The following AXDND1 variants were observed in gnomAD, a reference collection of about 807,000 sequenced individuals.
AXDND1 encodes axonemal dynein light chain domain containing 1, also known as axonemal dynein light chain domain-containing protein 1.
A neutral mutation model predicts 137.5 loss-of-function variants in AXDND1; 110 were observed. The ratio of observed to expected loss-of-function variants is 0.80; its 90% confidence interval spans 0.69 to 0.94. AXDND1 has a LOEUF of 0.94. Ranked by LOEUF, AXDND1 falls within the 40% of genes least tolerant of loss-of-function variation. AXDND1 has a pLI of 0.00. For synonymous variants in AXDND1, 414 were observed against 399.7 expected, an observed-to-expected ratio of 1.04 and a Z score of -0.43; for missense variants, 1,191 against 1,169.8, an observed-to-expected ratio of 1.02 and a Z score of -0.26.
intron 21 of AXDND1, among the ~76,000 whole-genome samples, chr1:179,517,697 TCTC>T (rs981402979): frequency 1.3e-5 from 2 of 152,202 alleles, no homozygotes; most frequent in African/African-American, 4.8e-5. Context: ...GTTGGAAACT[TCTC>T]CTGCAAACCA....
At chr1:179,367,912 C>G (rs979967488) in intron 2 of AXDND1, among the ~76,000 whole-genome samples, 2 of 151,896 alleles carry the variant, frequency 1.3e-5, no homozygotes, top group Non-Finnish European at 2.9e-5. Flanking sequence ...TTACCCGGTT[C>G]TGTTAAAGCT....
At chr1:179,539,338 T>A (rs1671888333) in intron 25 of AXDND1, among the ~76,000 whole-genome samples, 1 of 152,236 alleles carries the variant, frequency 6.6e-6, no homozygotes, top group Admixed American at 6.5e-5. Context: ...CGATTGTTTC[T>A]TTCCATGTTT....
intron 20 of AXDND1, among the ~76,000 whole-genome samples, chr1:179,506,017 A>G (rs1010554842): frequency 1.3e-5 from 2 of 152,210 alleles, no homozygotes; most frequent in Non-Finnish European, 2.9e-5. Flanking sequence ...TCCTTGTTAT[A>G]AGGCTTCATG....
chr1:179,532,590 A>C (rs552397659), intron 23 of AXDND1, among the ~76,000 whole-genome samples: 29 of 152,304 alleles, frequency 1.9e-4, no homozygotes, highest in African/African-American at 5.5e-4. Flanking sequence ...CTAGCATAAA[A>C]GGGAAGAAGT....
Position 179,407,089 on chromosome 1 carries a change from A to AT in AXDND1, c.1110-4056dup, listed in dbSNP as rs563152589. Among the ~76,000 whole-genome samples the AT allele has an allele frequency of 2.4e-3, 371 of 152,244 alleles. 1 individual carries two copies. Among genetic ancestry groups the AT allele is most frequent in the Middle Eastern group, 0.021 (6 of 292 alleles). On this transcript the variant is annotated intron_variant, in intron 11 of 25. Coordinates refer to ENST00000367618, the MANE Select transcript of AXDND1 (RefSeq NM_144696.6). ...AGATATTGTCATTTTGTTTCTAAATATAGGACTACCTTCAGGCTGGTCTAG... is the reference window on the plus strand; with the variant it reads ...AGATATTGTCATTTTGTTTCTAAATATTAGGACTACCTTCAGGCTGGTCTAG...
chr1:179,452,186 T>C (rs1181160473), intron 16 of AXDND1: 1 of 152,818 alleles, frequency 6.5e-6, no homozygotes, highest in Non-Finnish European at 1.5e-5. Flanking sequence ...TCTTGTTATA[T>C]TTTAGCAAAG....
intron 21 of AXDND1, among the ~76,000 whole-genome samples, chr1:179,518,385 C>CTTTTTTT (rs71114530): frequency 8.3e-5 from 12 of 145,072 alleles, no homozygotes; most frequent in South Asian, 2.1e-4. Flanking sequence ...TTTCCTTTTT[C>CTTTTTTT]TTTTTTTTTT....
At chr1:179,393,765 G>T in intron 9 of AXDND1, 138 bp from the exon 10 acceptor site, 1 of 548,000 alleles carries the variant, frequency 1.8e-6, no homozygotes, top group Admixed American at 3.8e-5. Flanking sequence ...AAAAGGGATT[G>T]ATTTCTTGAT....
chr1:179,389,849 T>G (rs1649863590), intron 9 of AXDND1, among the ~76,000 whole-genome samples: 1 of 152,152 alleles, frequency 6.6e-6, no homozygotes, highest in South Asian at 2.1e-4. Flanking sequence ...TAAATTGATA[T>G]TTCCAATATA....
intron 25 of AXDND1, chr1:179,551,313 C>T (rs1673234428): frequency 6.2e-7 from 1 of 1,613,990 alleles, no homozygotes; most frequent in Non-Finnish European, 8.5e-7. Context: ...GGTAAAACCA[C>T]AGTGGAAGGC....
At chr1:179,434,803 A>T (rs80342324) in intron 15 of AXDND1, among the ~76,000 whole-genome samples, 10 of 152,066 alleles carry the variant, frequency 6.6e-5, no homozygotes, top group Admixed American at 1.3e-4. Context: ...GTACCCTCTC[A>T]CCTCTCCTAT....
intron 15 of AXDND1, among the ~76,000 whole-genome samples, chr1:179,438,707 T>A (rs1028909891): frequency 1.3e-5 from 2 of 152,176 alleles, no homozygotes; most frequent in African/African-American, 4.8e-5. Context: ...AGGGATATTA[T>A]GTGTTTGCAA....
At chr1:179,459,288 G>A (rs1661870356) in intron 16 of AXDND1, among the ~76,000 whole-genome samples, 3 of 152,068 alleles carry the variant, frequency 2.0e-5, no homozygotes, top group African/African-American at 7.2e-5. Flanking sequence ...CACTATGCCT[G>A]GCTAGAATAC....
intron 16 of AXDND1, chr1:179,456,675 A>G: frequency 1.2e-6 from 1 of 810,712 alleles, no homozygotes; most frequent in Non-Finnish European, 2.2e-6. Flanking sequence ...ATGACCACTG[A>G]AGTTTCCTCC....
intron 18 of AXDND1, among the ~76,000 whole-genome samples, chr1:179,484,479 A>G (rs1665793764): frequency 1.3e-5 from 2 of 152,066 alleles, no homozygotes; most frequent in Non-Finnish European, 2.9e-5. Flanking sequence ...CAGCCTGACC[A>G]TGCCTGTTTG....
chr1:179,388,113 AC>A (rs1649521061), intron 9 of AXDND1, among the ~76,000 whole-genome samples: 1 of 152,120 alleles, frequency 6.6e-6, no homozygotes, highest in Non-Finnish European at 1.5e-5. Flanking sequence ...TTAGGCTGGC[AC>A]AATTGTAGGG....
At chr1:179,398,498 T>G (rs1347351423) in intron 11 of AXDND1, among the ~76,000 whole-genome samples, 1 of 152,132 alleles carries the variant, frequency 6.6e-6, no homozygotes, top group Non-Finnish European at 1.5e-5. Flanking sequence ...GTGGCAATGT[T>G]GTGGGGGTGC....
chr1:179,468,011 A>G (rs541205237), intron 16 of AXDND1, among the ~76,000 whole-genome samples: 1 of 152,324 alleles, frequency 6.6e-6, no homozygotes, highest in South Asian at 2.1e-4. Context: ...CAATAACCTA[A>G]AAAATGACTC....
At chr1:179,417,622 A>T (rs1654898512) in intron 12 of AXDND1, among the ~76,000 whole-genome samples, 2 of 152,066 alleles carry the variant, frequency 1.3e-5, no homozygotes, top group Non-Finnish European at 2.9e-5. Flanking sequence ...ATGGCTTTGT[A>T]CTAAATTTTG....
Sources: allele counts gnomAD v4.1 joint callset (sites outside exome capture counted in the v4.1 genomes callset), GRCh38; gene constraint gnomAD v4.1.1; transcripts MANE v1.5; gene names NCBI Gene and HGNC (gene_info 2026-07-23, HGNC 2026-07-21).